Variants in DLG2 observed in about 807,000 individuals in gnomAD.
DLG2 encodes the protein disks large homolog 2.
DLG2 carries 45 observed loss-of-function variants against 132.5 expected under a neutral mutation model. The ratio of observed to expected loss-of-function variants is 0.34; its 90% CI spans 0.27 to 0.44. DLG2 has a LOEUF of 0.44. Ranked by LOEUF, DLG2 falls within the 20% of genes least tolerant of loss-of-function variation. The pLI is 1.00. For synonymous variants in DLG2, 424 were observed against 419.6 expected, an observed-to-expected ratio of 1.01 and a Z score of -0.13; for missense variants, 1,045 against 1,196.9, an observed-to-expected ratio of 0.87 and a Z score of 1.87.
chr11:85,538,529 A>G (rs2075758325), intron 3 of DLG2, among the ~76,000 whole-genome samples: 1 of 151,948 alleles, frequency 6.6e-6, no homozygotes, highest in Admixed American at 6.5e-5. Flanking sequence ...TATTATAAAG[A>G]TACATGCATC....
At chr11:85,057,999 C>T (rs558325452) in intron 6 of DLG2, among the ~76,000 whole-genome samples, 1 of 151,386 alleles carries the variant, frequency 6.6e-6, no homozygotes, top group East Asian at 1.9e-4. Context: ...TTAGAATATT[C>T]TTGTTTAATA....
At chr11:85,500,675 C>T (rs12575291) in intron 3 of DLG2, among the ~76,000 whole-genome samples, 1 of 152,208 alleles carries the variant, frequency 6.6e-6, no homozygotes, top group South Asian at 2.1e-4. Context: ...ACAATTGCTC[C>T]TAAGAGACTA....
chr11:84,803,287 A>G (rs1324393115), intron 6 of DLG2, among the ~76,000 whole-genome samples: 1 of 152,226 alleles, frequency 6.6e-6, no homozygotes, highest in African/African-American at 2.4e-5. Context: ...ATTCTCTATT[A>G]AAACCCAACA....
At chr11:85,065,540 T>A (rs1336141298) in intron 6 of DLG2, among the ~76,000 whole-genome samples, 1 of 148,598 alleles carries the variant, frequency 6.7e-6, no homozygotes, top group African/African-American at 2.4e-5. Flanking sequence ...TATCCAGCTT[T>A]TTTTAAATTT....
chr11:85,402,121 A>G (rs2088194915), intron 3 of DLG2, among the ~76,000 whole-genome samples: 1 of 152,222 alleles, frequency 6.6e-6, no homozygotes, highest in Non-Finnish European at 1.5e-5. Flanking sequence ...CCAAAACAGC[A>G]TGGCACTGGT....
At position 84,713,603 on chromosome 11, in the gene DLG2, A is replaced by G. The variant is rs371488259; in HGVS notation, c.358-178872T>C. On this transcript the variant is annotated intron_variant, in intron 6 of 27. Coordinates refer to ENST00000376104, the MANE Select transcript of DLG2 (RefSeq NM_001142699.3). ...CTAACAGAGTTTTAACCCGATTCAC[A>G]GGAGAAAAACTAGACTACCTCTTAT... Among the ~76,000 whole-genome samples the G allele has an allele frequency of 8.7e-4, 132 of 152,270 alleles. 1 individual carries two copies. Among genetic ancestry groups the G allele is most frequent in the Non-Finnish European group, 1.6e-3 (109 of 68,002 alleles).
chr11:84,915,752 A>C (rs537244863), intron 6 of DLG2, among the ~76,000 whole-genome samples: 57 of 152,342 alleles, frequency 3.7e-4, no homozygotes, highest in Admixed American at 8.5e-4. Context: ...TGGTGGTAAC[A>C]CATCCAGTCC....
intron 17 of DLG2, among the ~76,000 whole-genome samples, chr11:83,793,614 CA>C (rs2042101042): frequency 6.6e-6 from 1 of 152,090 alleles, no homozygotes; most frequent in African/African-American, 2.4e-5. Context: ...TGCAGTTAGA[CA>C]AAACGGGTTA....
intron 6 of DLG2, among the ~76,000 whole-genome samples, chr11:85,002,402 CAATGAT>C (rs2058293607): frequency 6.6e-6 from 1 of 152,120 alleles, no homozygotes; most frequent in Admixed American, 6.6e-5. Context: ...AAAATGGAAA[CAATGAT>C]AATGCTTTAA....
chr11:84,865,546 T>C (rs1236863077), intron 6 of DLG2, among the ~76,000 whole-genome samples: 1 of 152,194 alleles, frequency 6.6e-6, no homozygotes, highest in African/African-American at 2.4e-5. Context: ...AATGACAAGC[T>C]TCAATCACAC....
At chr11:83,857,619 C>T (rs904562780) in intron 16 of DLG2, among the ~76,000 whole-genome samples, 5 of 152,134 alleles carry the variant, frequency 3.3e-5, no homozygotes, top group African/African-American at 1.2e-4. Flanking sequence ...TGTCATTATA[C>T]GATTGTCCAA....
chr11:85,074,717 A>G (rs1001601150), intron 6 of DLG2, among the ~76,000 whole-genome samples: 1 of 151,864 alleles, frequency 6.6e-6, no homozygotes. Context: ...AGAATATAGG[A>G]GGAGACTTGA....
intron 3 of DLG2, among the ~76,000 whole-genome samples, chr11:85,518,808 C>A (rs1233194921): frequency 6.6e-6 from 1 of 152,128 alleles, no homozygotes; most frequent in East Asian, 1.9e-4. Flanking sequence ...GCCCAGGGAC[C>A]CTCTGTTGTT....
At chr11:85,432,950 T>A (rs2091274780) in intron 3 of DLG2, among the ~76,000 whole-genome samples, 1 of 152,158 alleles carries the variant, frequency 6.6e-6, no homozygotes, top group Non-Finnish European at 1.5e-5. Context: ...GGAAAGCCCA[T>A]CAGACTAACA....
chr11:84,467,297 A>G (rs1258883090), intron 7 of DLG2, among the ~76,000 whole-genome samples: 1 of 151,428 alleles, frequency 6.6e-6, no homozygotes, highest in African/African-American at 2.4e-5. Flanking sequence ...TGATTTTTAC[A>G]CCAACTTCTT....
intron 10 of DLG2, among the ~76,000 whole-genome samples, chr11:84,095,142 T>C (rs2097148476): frequency 6.6e-6 from 1 of 150,764 alleles, no homozygotes; most frequent in Non-Finnish European, 1.5e-5. Flanking sequence ...CAGAAGGAAA[T>C]GTAGAAGGTA....
chr11:84,710,176 A>T (rs2060226469), intron 6 of DLG2, among the ~76,000 whole-genome samples: 1 of 151,984 alleles, frequency 6.6e-6, no homozygotes, highest in African/African-American at 2.4e-5. Flanking sequence ...GTGGGTGGTG[A>T]TCACCCAAAA....
At chr11:84,220,010 C>A (rs558550899) in intron 8 of DLG2, among the ~76,000 whole-genome samples, 1 of 152,292 alleles carries the variant, frequency 6.6e-6, no homozygotes, top group East Asian at 1.9e-4. Context: ...ACTTACATAT[C>A]TAAATTTTAC....
chr11:83,655,588 A>G (rs555234404), intron 18 of DLG2, among the ~76,000 whole-genome samples: 1 of 152,362 alleles, frequency 6.6e-6, no homozygotes, highest in African/African-American at 2.4e-5. Context: ...ACATGCTTGT[A>G]TGGATTTAAA....
Sources: gnomAD v4.1 joint callset for allele counts (sites outside exome capture counted in the v4.1 genomes callset) on GRCh38, gnomAD v4.1.1 for gene constraint, MANE v1.5 for transcripts, NCBI Gene and HGNC (gene_info 2026-07-23, HGNC 2026-07-21) for gene names.